Variants in ARRB1 observed in about 807,000 individuals in gnomAD.
ARRB1 encodes arrestin beta 1, also known as beta-arrestin-1.
In ARRB1, 21 loss-of-function variants were observed where a neutral mutation model predicts 56.8. The ratio of observed to expected loss-of-function variants is 0.37; its 90% confidence interval spans 0.26 to 0.53. The LOEUF (loss-of-function observed/expected upper bound fraction) is 0.53. Ranked by LOEUF, ARRB1 falls within the 20% of genes least tolerant of loss-of-function variation. The pLI is 0.88. For synonymous variants in ARRB1, 210 were observed against 218.6 expected (o/e 0.96, Z 0.35); for missense variants, 424 against 553.7 (o/e 0.77, Z 2.35).
intron 1 of ARRB1, among the ~76,000 whole-genome samples, chr11:75,297,186 G>A (rs896543814): frequency 2.6e-5 from 4 of 151,726 alleles, no homozygotes; most frequent in Non-Finnish European, 5.9e-5. Flanking sequence ...TCAAATCGTA[G>A]CTAGCTTTTT....
intron 7 of ARRB1, among the ~76,000 whole-genome samples, chr11:75,280,163 C>T (rs967761448): frequency 1.3e-5 from 2 of 152,194 alleles, no homozygotes; most frequent in Non-Finnish European, 2.9e-5. Context: ...GTCACCTCCT[C>T]TTTCTTGTGC....
chr11:75,269,434 T>C (rs1946023148), intron 13 of ARRB1, among the ~76,000 whole-genome samples: 1 of 152,128 alleles, frequency 6.6e-6, no homozygotes. Flanking sequence ...GTAAAAGTGC[T>C]CAGGTGACCC....
chr11:75,270,377 C>T (rs906944225), intron 13 of ARRB1, among the ~76,000 whole-genome samples: 6 of 152,186 alleles, frequency 3.9e-5, no homozygotes, highest in Non-Finnish European at 7.4e-5. Context: ...CGCCTGTAAT[C>T]CCAGCACTTT....
chr11:75,334,288 G>A (rs1299148725), intron 1 of ARRB1, among the ~76,000 whole-genome samples: 5 of 120,120 alleles, frequency 4.2e-5, no homozygotes, highest in Non-Finnish European at 8.0e-5. Context: ...GGGTGACAGG[G>A]CAAGACTCCG....
rs185421129 is a variant in ARRB1, at chr11:75,275,207, T to G, written c.777-996A>C. 8.3e-4 allele frequency among the ~76,000 whole-genome samples: 126 copies of G among 151,532 alleles called. No individual in the cohort carries two copies. In the Middle Eastern group the frequency reaches 0.01, roughly 12 times the overall value. On this transcript the variant is annotated intron_variant, in intron 10 of 15. Transcript: ENST00000420843. ...TGTCGCCCAGGCTAGAGTACAGTAG[T>G]GCGATCCTGGCTCACTGGAACCTCC... is the stretch of plus-strand genomic sequence containing the variant.
intron 1 of ARRB1, among the ~76,000 whole-genome samples, chr11:75,304,651 G>A (rs1159634149): frequency 6.6e-6 from 1 of 151,804 alleles, no homozygotes; most frequent in Non-Finnish European, 1.5e-5. Flanking sequence ...ATGATTTGGG[G>A]AAGAGGTGCT....
chr11:75,341,327 G>A (rs1565147978), intron 1 of ARRB1, among the ~76,000 whole-genome samples: 1 of 151,896 alleles, frequency 6.6e-6, no homozygotes, highest in South Asian at 2.1e-4. Context: ...TAGTAGAGAC[G>A]AGGTTTCACC....
At position 75,261,508 on chromosome 11, in the gene ARRB1, C is replaced by T. The variant is rs1945790816; in HGVS notation, c.*4655G>A. On this transcript the variant is annotated 3_prime_UTR_variant, in exon 16 of 16. Coordinates refer to ENST00000420843, the MANE Select transcript of ARRB1 (RefSeq NM_004041.5). ...CTCCCATCTTCCCACTTTAGCATCC[C>T]CTGACAAAGCTCTGTGGAATATCAG... 1 of 152,174 alleles carries T rather than the reference C, an allele frequency of 6.6e-6. No individual in the cohort carries two copies. Among genetic ancestry groups the T allele is most frequent in the African/African-American group, 2.4e-5 (1 of 41,424 alleles). 9.4% of individuals were successfully genotyped at this position (152,174 alleles called of 1,614,324 possible).
At chr11:75,309,663 T>A (rs1299237972) in intron 1 of ARRB1, among the ~76,000 whole-genome samples, 3 of 151,870 alleles carry the variant, frequency 2.0e-5, no homozygotes, top group Non-Finnish European at 2.9e-5. Flanking sequence ...TGGGAGGAAA[T>A]AATGGGTATA....
intron 7 of ARRB1, among the ~76,000 whole-genome samples, chr11:75,279,577 C>G (rs145741140): frequency 1.3e-5 from 2 of 152,296 alleles, no homozygotes; most frequent in Non-Finnish European, 2.9e-5. Flanking sequence ...CTATGTGGCC[C>G]TGGGTACATT....
intron 1 of ARRB1, among the ~76,000 whole-genome samples, chr11:75,304,816 C>A (rs1946984609): frequency 6.6e-6 from 1 of 151,498 alleles, no homozygotes; most frequent in Admixed American, 6.6e-5. Flanking sequence ...GCAATCCCAG[C>A]ACTCTGGGAG....
chr11:75,267,576 A>G (rs955637029), intron 15 of ARRB1, 76 bp downstream of exon 15: 2 of 1,440,144 alleles, frequency 1.4e-6, no homozygotes, highest in African/African-American at 1.4e-5. Context: ...GTTAATAAGC[A>G]TATATGCAAA....
chr11:75,268,510 C>CAAAAAAAAAAAAAAAA (rs61409833), intron 14 of ARRB1, among the ~76,000 whole-genome samples: 12 of 61,440 alleles, frequency 2.0e-4, no homozygotes, highest in Middle Eastern at 0.013. Flanking sequence ...GTCTCAAAAC[C>CAAAAAAAAAAAAAAAA]AAAAAAAAAA....
intron 13 of ARRB1, among the ~76,000 whole-genome samples, chr11:75,269,384 C>G (rs900304120): frequency 6.6e-6 from 1 of 152,158 alleles, no homozygotes; most frequent in East Asian, 1.9e-4. Context: ...TCCTCCCACC[C>G]TCACGCCATC....
At chr11:75,341,929 G>C (rs1947698346) in intron 1 of ARRB1, among the ~76,000 whole-genome samples, 1 of 152,220 alleles carries the variant, frequency 6.6e-6, no homozygotes, top group Non-Finnish European at 1.5e-5. Flanking sequence ...AGGGCTGCCA[G>C]AGGCCAAGCT....
At chr11:75,291,916 A>G (rs921142547) in intron 1 of ARRB1, among the ~76,000 whole-genome samples, 81 of 152,148 alleles carry the variant, frequency 5.3e-4, no homozygotes, top group Non-Finnish European at 2.5e-4. Context: ...GAGGCCCGCC[A>G]TGGCACATGG....
At chr11:75,328,375 A>G (rs1021182587) in intron 1 of ARRB1, among the ~76,000 whole-genome samples, 2 of 152,122 alleles carry the variant, frequency 1.3e-5, no homozygotes, top group African/African-American at 4.8e-5. Context: ...GTCTGTTCCC[A>G]CTTTTTGGCT....
intron 1 of ARRB1, among the ~76,000 whole-genome samples, chr11:75,314,159 T>C: frequency 6.6e-6 from 1 of 152,162 alleles, no homozygotes; most frequent in African/African-American, 2.4e-5. Flanking sequence ...CCCACCAGCC[T>C]GGGGCCCCAC....
At chr11:75,267,518 GC>G in intron 15 of ARRB1, 133 bp downstream of exon 15, 1 of 860,716 alleles carries the variant, frequency 1.2e-6, no homozygotes. Context: ...GAAGAGGCGA[GC>G]AGAGGTGGCT....
Sources: allele counts gnomAD v4.1 joint callset (sites outside exome capture counted in the v4.1 genomes callset), GRCh38; gene constraint gnomAD v4.1.1; transcripts MANE v1.5; gene names NCBI Gene and HGNC (gene_info 2026-07-23, HGNC 2026-07-21).